Variants in ARHGAP42 observed in about 807,000 individuals in gnomAD.
The protein encoded by ARHGAP42 is Rho GTPase activating protein 42.
Under a neutral mutation model 125.0 loss-of-function variants are expected in ARHGAP42, and 63 were observed. The observed-to-expected ratio is 0.50, with a 90% CI of 0.41 to 0.62. The LOEUF (loss-of-function observed/expected upper bound fraction) is 0.62. ARHGAP42 is among the 20% of genes least tolerant of loss of function. The pLI, the probability that ARHGAP42 is intolerant of heterozygous loss-of-function variation, is 0.00. For missense variants in ARHGAP42, 766 were observed against 1,024.2 expected (o/e 0.75, Z 3.44); for synonymous variants, 339 against 351.0 (o/e 0.97, Z 0.38).
At chr11:100,779,442 T>A (rs1591174536) in intron 2 of ARHGAP42, among the ~76,000 whole-genome samples, 1 of 72,990 alleles carries the variant, frequency 1.4e-5, no homozygotes, top group African/African-American at 6.2e-5. Flanking sequence ...CGAGACTGCG[T>A]CTCAAAAAAA....
At chr11:100,758,555 G>A (rs1862627624) in intron 1 of ARHGAP42, among the ~76,000 whole-genome samples, 2 of 152,240 alleles carry the variant, frequency 1.3e-5, no homozygotes, top group African/African-American at 4.8e-5. Flanking sequence ...ATAAAATGAT[G>A]AGTTATCTTT....
intron 3 of ARHGAP42, among the ~76,000 whole-genome samples, chr11:100,838,380 A>G (rs639926): frequency 1.3e-5 from 2 of 151,904 alleles, no homozygotes; most frequent in African/African-American, 4.8e-5. Context: ...TTTCAAACTT[A>G]TGCTCATCAA....
intron 2 of ARHGAP42, among the ~76,000 whole-genome samples, chr11:100,776,683 ATAGT>A (rs1863133350): frequency 6.6e-6 from 1 of 152,136 alleles, no homozygotes; most frequent in Non-Finnish European, 1.5e-5. Flanking sequence ...ATAGTGCCTA[ATAGT>A]TAGCATCGGC....
intron 1 of ARHGAP42, among the ~76,000 whole-genome samples, chr11:100,747,139 G>A (rs891773940): frequency 1.3e-5 from 2 of 152,232 alleles, no homozygotes; most frequent in African/African-American, 4.8e-5. Flanking sequence ...TAAGGGAGGA[G>A]AAGGTGGAGG....
intron 1 of ARHGAP42, among the ~76,000 whole-genome samples, chr11:100,695,430 A>C (rs914376827): frequency 3.3e-5 from 5 of 152,066 alleles, no homozygotes; most frequent in African/African-American, 9.7e-5. Context: ...CAGCCTCCCA[A>C]GGAGCTGGGA....
intron 1 of ARHGAP42, among the ~76,000 whole-genome samples, chr11:100,728,297 A>AGG (rs1861896315): frequency 6.6e-6 from 1 of 152,166 alleles, no homozygotes; most frequent in Non-Finnish European, 1.5e-5. Context: ...GTGGGATTGA[A>AGG]GCAGCCTACA....
chr11:100,726,577 A>G (rs1861865381), intron 1 of ARHGAP42, among the ~76,000 whole-genome samples: 1 of 152,236 alleles, frequency 6.6e-6, no homozygotes. Context: ...CAAATTTCAA[A>G]GGACGAAAAC....
chr11:100,871,063 G>GT (rs1196794816), intron 4 of ARHGAP42, among the ~76,000 whole-genome samples: 2 of 151,870 alleles, frequency 1.3e-5, no homozygotes, highest in Non-Finnish European at 2.9e-5. Flanking sequence ...AATTTTAAGT[G>GT]TTTTATTGGG....
chr11:100,884,458 A>C (rs1333961354), intron 4 of ARHGAP42, among the ~76,000 whole-genome samples: 1 of 152,112 alleles, frequency 6.6e-6, no homozygotes, highest in Non-Finnish European at 1.5e-5. Context: ...AGTAACTAGG[A>C]ATTTATTTTA....
In ARHGAP42 at chr11:100,837,674, T is replaced by A. The variant is rs1413157850; in HGVS notation, c.313-21880T>A. 1.8e-4 allele frequency among the ~76,000 whole-genome samples: 23 copies of A among 126,686 alleles called. 1 individual carries two copies. Among genetic ancestry groups the A allele is most frequent in the African/African-American group, 4.8e-4 (17 of 35,402 alleles). The allele number at this position is 126,686 out of a possible 152,430, so 83.1% of individuals were successfully genotyped here. A position where few individuals can be genotyped will look rare whatever the true frequency, so the allele number is the denominator to read the frequency against. On this transcript the variant is annotated intron_variant, in intron 3 of 23. Coordinates refer to ENST00000298815, the MANE Select transcript of ARHGAP42 (RefSeq NM_152432.4). Reference sequence around the variant, plus strand: ...AGAATCTAGGTGTCATCCTTTTTTTTTTTTTTTTTTTTTTTTTTTTTTTAG... The same window carrying A: ...AGAATCTAGGTGTCATCCTTTTTTTATTTTTTTTTTTTTTTTTTTTTTTAG...
intron 1 of ARHGAP42, among the ~76,000 whole-genome samples, chr11:100,717,923 T>TA (rs1555109759): frequency 2.1e-4 from 29 of 140,790 alleles, no homozygotes; most frequent in Non-Finnish European, 2.3e-4. Flanking sequence ...GACTCTGCCT[T>TA]AAAAAAAAAA....
chr11:100,819,400 G>A (rs1370373633), intron 3 of ARHGAP42, among the ~76,000 whole-genome samples: 1 of 152,116 alleles, frequency 6.6e-6, no homozygotes, highest in African/African-American at 2.4e-5. Context: ...ATGGTTTGGG[G>A]TACAGGGCTG....
At chr11:100,719,745 G>A (rs906819914) in intron 1 of ARHGAP42, among the ~76,000 whole-genome samples, 17 of 151,998 alleles carry the variant, frequency 1.1e-4, no homozygotes, top group Admixed American at 8.5e-4. Flanking sequence ...TGGCTATACC[G>A]GCTCTTCCTG....
intron 4 of ARHGAP42, among the ~76,000 whole-genome samples, chr11:100,891,468 G>A (rs1040324094): frequency 7.6e-6 from 1 of 132,116 alleles, no homozygotes; most frequent in African/African-American, 2.9e-5. Context: ...TTGAGATGGA[G>A]TCTTGCTTTT....
At chr11:100,710,010 G>A (rs779888352) in intron 1 of ARHGAP42, among the ~76,000 whole-genome samples, 5 of 152,156 alleles carry the variant, frequency 3.3e-5, no homozygotes, top group Non-Finnish European at 7.3e-5. Context: ...GGAATTCAGC[G>A]GGGTCGGGGG....
chr11:100,716,010 A>G (rs1718565047), intron 1 of ARHGAP42, among the ~76,000 whole-genome samples: 4 of 152,210 alleles, frequency 2.6e-5, no homozygotes, highest in Admixed American at 2.0e-4. Context: ...GGCAGCAGGG[A>G]CAGCACTGAA....
At chr11:100,691,094 G>A (rs772614225) in intron 1 of ARHGAP42, among the ~76,000 whole-genome samples, 4 of 152,118 alleles carry the variant, frequency 2.6e-5, no homozygotes, top group Non-Finnish European at 5.9e-5. Flanking sequence ...TTACCATTAG[G>A]ATTGTTTGCT....
At chr11:100,750,332 T>G (rs1212462147) in intron 1 of ARHGAP42, among the ~76,000 whole-genome samples, 2 of 152,012 alleles carry the variant, frequency 1.3e-5, no homozygotes, top group East Asian at 1.9e-4. Flanking sequence ...GTCTTTCCCC[T>G]ATTGGCTAGG....
chr11:100,983,579 C>G (rs1264048067), intron 22 of ARHGAP42, among the ~76,000 whole-genome samples: 1 of 152,154 alleles, frequency 6.6e-6, no homozygotes, highest in Non-Finnish European at 1.5e-5. Flanking sequence ...TAGTGCCCAA[C>G]ACACAATAGA....
Sources: gnomAD v4.1 joint callset for allele counts (sites outside exome capture counted in the v4.1 genomes callset) on GRCh38, gnomAD v4.1.1 for gene constraint, MANE v1.5 for transcripts, NCBI Gene and HGNC (gene_info 2026-07-23, HGNC 2026-07-21) for gene names.